The following SNX27 variants were observed in gnomAD, a reference collection of about 807,000 sequenced individuals.
SNX27 encodes the protein sorting nexin-27.
In SNX27, 22 loss-of-function variants were observed where a neutral mutation model predicts 71.6. That is an observed-to-expected ratio of 0.31 (90% CI 0.22 to 0.44). The LOEUF (loss-of-function observed/expected upper bound fraction) is 0.44. SNX27 is among the 20% of genes least tolerant of loss of function. SNX27 has a pLI of 1.00. For missense variants in SNX27, 531 were observed against 698.6 expected, an observed-to-expected ratio of 0.76 and a Z score of 2.70; for synonymous variants, 269 against 277.2, an observed-to-expected ratio of 0.97 and a Z score of 0.29.
chr1:151,694,302 T>C (rs1472612534), intron 11 of SNX27, 68 bp from the exon 12 acceptor site: 3 of 1,543,184 alleles, frequency 1.9e-6, no homozygotes, highest in Non-Finnish European at 2.6e-6. Flanking sequence ...TTAGCTTCTG[T>C]TTGTGGAGTT....
chr1:151,692,610 CT>C, intron 9 of SNX27, 26 bp downstream of exon 9: 1 of 1,601,458 alleles, frequency 6.2e-7, no homozygotes. Flanking sequence ...AGGGCTCTGG[CT>C]GCGAGGACTG....
chr1:151,675,818 T>TTTTTTTTTTTTTTG (rs1670668963), intron 7 of SNX27: 1 of 71,106 alleles, frequency 1.4e-5, no homozygotes, highest in Non-Finnish European at 2.7e-5. Flanking sequence ...TTCTTTTTTT[T>TTTTTTTTTTTTTTG]TTTTTTTTTT....
At chr1:151,642,830 C>G (rs1215097282) in intron 2 of SNX27, among the ~76,000 whole-genome samples, 1 of 151,958 alleles carries the variant, frequency 6.6e-6, no homozygotes, top group East Asian at 1.9e-4. Context: ...TTAGTAGAGA[C>G]GGGGTTTCAC....
At position 151,698,217 on chromosome 1, in the gene SNX27, C is replaced by G. The variant is rs1356426964; in HGVS notation, c.*3800C>G. 1 of 152,628 alleles carries G rather than the reference C, an allele frequency of 6.6e-6. No homozygotes were observed. The highest frequency in any genetic ancestry group is 1.5e-5 in the Non-Finnish European group (1 of 68,048). The allele number at this position is 152,628 out of a possible 1,614,324, so 9.5% of individuals were successfully genotyped here. The stretch of plus-strand genomic sequence containing the variant: ...AGCTTTGGGTTATCCCTTCCTGTAG[C>G]TCCAAACCCAGCACTTGGAGCAGCA... On this transcript the variant is annotated 3_prime_UTR_variant, in exon 12 of 12. Coordinates refer to ENST00000458013, the MANE Select transcript of SNX27 (RefSeq NM_001330723.2).
Position 151,637,153 on chromosome 1 carries a change from G to GTTTTTTT in SNX27, c.312-1733_312-1727dup, listed in dbSNP as rs200938062. The stretch of plus-strand genomic sequence containing the variant: ...CTGGTATATGATCAGAGTTGATCAC[G>GTTTTTTT]TTTTTTTTGTTTTTTTGTTTTTTTT... On this transcript the variant is annotated intron_variant, in intron 1 of 11. Transcript: ENST00000458013. Among the ~76,000 whole-genome samples the GTTTTTTT allele has an allele frequency of 2.0e-4, 13 of 64,100 alleles. 3 individuals are homozygous for GTTTTTTT. Among genetic ancestry groups the GTTTTTTT allele is most frequent in the Non-Finnish European group, 1.6e-4 (5 of 30,486 alleles). The allele number at this position is 64,100 out of a possible 152,430, so 42.1% of individuals were successfully genotyped here.
rs1670318904 is a variant in SNX27, at chr1:151,668,614, T to C, written c.1128T>C (p.Ala376=). 6.2e-7 allele frequency: 1 copy of C among 1,612,316 alleles called. No homozygotes were observed. Residue 376 remains alanine, a synonymous_variant, in exon 7 of 12, where the codon GCT becomes GCC. Coordinates refer to ENST00000458013, the MANE Select transcript of SNX27 (RefSeq NM_001330723.2). ...EEILLNDNDL[A]VTYFFHQAVD... ...TTCTCTTAAATGACAATGACCTTGC[T>C]GTTACCTACTTCTTTCATCAGGTAG...
rs541760287 is a variant in SNX27 at position 151,655,516 on chromosome 1, G to A, written c.544-2719G>A. ...GCTGCTTTGGCCTCCTCGAACTTCA[G>A]TTTCTGTTTATTCAACTCAGTGAAG... On this transcript the variant is annotated intron_variant, in intron 2 of 11. Transcript: ENST00000458013. Among the ~76,000 whole-genome samples the A allele has an allele frequency of 3.2e-4, 48 of 152,328 alleles. 1 individual carries two copies. The South Asian group carries it at 9.9e-3, about 32-fold the overall frequency.
chr1:151,676,889 A>C (rs1445884528), intron 7 of SNX27: 1 of 151,984 alleles, frequency 6.6e-6, no homozygotes, highest in Non-Finnish European at 1.5e-5. Context: ...TTCATTTCTA[A>C]TACATTATGC....
intron 7 of SNX27, among the ~76,000 whole-genome samples, chr1:151,675,145 G>A (rs1022136824): frequency 1.7e-4 from 26 of 151,940 alleles, no homozygotes; most frequent in African/African-American, 5.8e-4. Context: ...ACTAGGTAGG[G>A]AATCCATTTT....
At chr1:151,633,066 G>T (rs1408365377) in intron 1 of SNX27, among the ~76,000 whole-genome samples, 2 of 151,960 alleles carry the variant, frequency 1.3e-5, no homozygotes, top group Non-Finnish European at 2.9e-5. Flanking sequence ...TAGAGATGGG[G>T]TTTCACCGTG....
At chr1:151,649,994 TCTC>T (rs1448713385) in intron 2 of SNX27, among the ~76,000 whole-genome samples, 2 of 152,030 alleles carry the variant, frequency 1.3e-5, no homozygotes, top group African/African-American at 4.8e-5. Context: ...GTCAAGCAAT[TCTC>T]CTGCCTCAGC....
intron 1 of SNX27, among the ~76,000 whole-genome samples, chr1:151,630,292 T>C (rs534381524): frequency 6.6e-6 from 1 of 152,322 alleles, no homozygotes; most frequent in South Asian, 2.1e-4. Context: ...TGACCATTTT[T>C]ATATCTTTAG....
chr1:151,688,478 A>G (rs976440952), intron 8 of SNX27, among the ~76,000 whole-genome samples: 9 of 152,010 alleles, frequency 5.9e-5, no homozygotes, highest in Admixed American at 2.0e-4. Context: ...CTAAAAGTAC[A>G]AAAAATTGCT....
chr1:151,641,642 T>TATATATC (rs1558046586), intron 2 of SNX27, among the ~76,000 whole-genome samples: 2 of 134,972 alleles, frequency 1.5e-5, no homozygotes, highest in African/African-American at 5.4e-5. Context: ...ATATGTATCA[T>TATATATC]ATATATATCA....
chr1:151,686,062 T>G (rs1671181399), intron 8 of SNX27, among the ~76,000 whole-genome samples: 1 of 152,238 alleles, frequency 6.6e-6, no homozygotes, highest in African/African-American at 2.4e-5. Flanking sequence ...GGCCAAATAC[T>G]AACAGGCCAT....
intron 2 of SNX27, among the ~76,000 whole-genome samples, chr1:151,641,610 T>C (rs1313266779): frequency 2.4e-5 from 3 of 125,938 alleles, no homozygotes; most frequent in African/African-American, 1.1e-4. Context: ...TATATATATA[T>C]ATATATATAT....
chr1:151,647,300 C>T (rs1365599570), intron 2 of SNX27, among the ~76,000 whole-genome samples: 1 of 151,958 alleles, frequency 6.6e-6, no homozygotes, highest in Non-Finnish European at 1.5e-5. Flanking sequence ...CACGTGTAAG[C>T]CACCATACTT....
At chr1:151,688,441 G>A (rs1468334460) in intron 8 of SNX27, among the ~76,000 whole-genome samples, 1 of 152,152 alleles carries the variant, frequency 6.6e-6, no homozygotes, top group Non-Finnish European at 1.5e-5. Flanking sequence ...AGACCAGCCT[G>A]GCCAGCATGG....
At chr1:151,624,435 ATT>A (rs397860649) in intron 1 of SNX27, among the ~76,000 whole-genome samples, 1 of 109,974 alleles carries the variant, frequency 9.1e-6, no homozygotes, top group Admixed American at 9.2e-5. Flanking sequence ...ATATATATGT[ATT>A]TTTTTTTTTT....
Sources: gnomAD v4.1 joint callset for allele counts (sites outside exome capture counted in the v4.1 genomes callset) on GRCh38, gnomAD v4.1.1 for gene constraint, MANE v1.5 for transcripts, NCBI Gene and HGNC (gene_info 2026-07-23, HGNC 2026-07-21) for gene names.